PREP: variants seen among roughly 807,000 people sequenced by gnomAD.
PREP encodes prolyl endopeptidase.
A neutral mutation model predicts 87.6 loss-of-function variants in PREP; 29 were observed. The observed-to-expected ratio is 0.33, with a 90% confidence interval of 0.25 to 0.45. PREP has a LOEUF of 0.45. Ranked by LOEUF, PREP falls within the 20% of genes least tolerant of loss-of-function variation. The pLI is 1.00. For synonymous variants in PREP, 337 were observed against 328.6 expected (o/e 1.03, Z -0.28); for missense variants, 695 against 886.5 (o/e 0.78, Z 2.74).
chr6:105,398,893 A>C (rs1299105458), intron 1 of PREP, among the ~76,000 whole-genome samples: 2 of 152,138 alleles, frequency 1.3e-5, no homozygotes, highest in Non-Finnish European at 2.9e-5. Context: ...GGATCACTTG[A>C]GGTCAGGAGT....
chr6:105,377,770 T>G (rs920232443), intron 2 of PREP, among the ~76,000 whole-genome samples: 4 of 152,222 alleles, frequency 2.6e-5, no homozygotes, highest in Admixed American at 2.6e-4. Context: ...GGGCAAGTAT[T>G]AACTTATTTA....
At chr6:105,391,586 G>C (rs1773148622) in intron 2 of PREP, among the ~76,000 whole-genome samples, 1 of 152,196 alleles carries the variant, frequency 6.6e-6, no homozygotes, top group Non-Finnish European at 1.5e-5. Flanking sequence ...AATAGTTTAT[G>C]CTAATGGGAG....
Position 105,281,896 on chromosome 6 carries a change from CA to C in PREP, c.1687del (p.Cys563ValfsTer18). 2 of 1,613,562 alleles carry C rather than the reference CA, an allele frequency of 1.2e-6. No individual in the cohort carries two copies. The highest frequency in any genetic ancestry group is 1.7e-6 in the Non-Finnish European group (2 of 1,179,854). ...GSNGGLLVAACANQRPDLFGC... is the reference protein window; with the variant it reads ...GSNGGLLVAAXANQRPDLFGC... ...AAAGAGGTCAGGTCTCTGATTTGCA[CA>C]AGCAGCTAAAAGCCCAACGTAGAAA... is the stretch of plus-strand genomic sequence containing the variant. On this transcript the variant is annotated frameshift_variant, in exon 14 of 15. Coordinates refer to ENST00000652536, the MANE Select transcript of PREP (RefSeq NM_002726.5). LOFTEE classifies it high-confidence loss of function.
At chr6:105,342,814 A>C (rs945946644) in intron 7 of PREP, among the ~76,000 whole-genome samples, 1 of 152,244 alleles carries the variant, frequency 6.6e-6, no homozygotes, top group African/African-American at 2.4e-5. Context: ...TAGGAATCCA[A>C]CTTACAAGGG....
At chr6:105,321,695 C>A (rs57163495) in intron 10 of PREP, among the ~76,000 whole-genome samples, 1 of 152,126 alleles carries the variant, frequency 6.6e-6, no homozygotes, top group Non-Finnish European at 1.5e-5. Flanking sequence ...CTGGAAGAAG[C>A]GGCCTCCCTG....
chr6:105,373,010 G>A (rs1394964249), intron 5 of PREP, among the ~76,000 whole-genome samples: 1 of 152,146 alleles, frequency 6.6e-6, no homozygotes, highest in East Asian at 1.9e-4. Context: ...GTTGCCATGT[G>A]AGCAAGCCCA....
chr6:105,308,453 T>C (rs918900287), intron 10 of PREP, among the ~76,000 whole-genome samples: 3 of 152,324 alleles, frequency 2.0e-5, no homozygotes, highest in Admixed American at 2.0e-4. Flanking sequence ...AAATTTACTT[T>C]GATGCTCTAT....
At chr6:105,312,037 T>C (rs1026688017) in intron 10 of PREP, among the ~76,000 whole-genome samples, 1 of 152,246 alleles carries the variant, frequency 6.6e-6, no homozygotes, top group Non-Finnish European at 1.5e-5. Flanking sequence ...ATTAGCTATA[T>C]ACATATTAAA....
intron 10 of PREP, among the ~76,000 whole-genome samples, chr6:105,310,286 G>A (rs1329154802): frequency 6.6e-6 from 1 of 152,076 alleles, no homozygotes; most frequent in Non-Finnish European, 1.5e-5. Flanking sequence ...TAGCAAAAAT[G>A]CAATACAAAA....
Position 105,278,382 on chromosome 6 carries a change from G to A in PREP, c.1895C>T (p.Ser632Phe). The change falls in exon 15 of 15, where the codon TCC becomes TTC. Residue 632 changes from serine (S) to phenylalanine (F), a missense_variant. Physicochemically the swap from Ser to Phe is radical, Grantham distance 155. Transcript: ENST00000652536. This position sits in a 1 kb window ranked among gnomAD's most constrained non-coding sequence, Gnocchi z 4.2. Reference protein sequence around the residue: ...LPEADDIQYPSMLLLTADHDD... With the variant: ...LPEADDIQYPFMLLLTADHDD... ...ATGGTCAGCAGTGAGGAGCAGCATGGACGGGTACTGGATGTCATCTGCTTC... is the reference window on the plus strand; with the variant it reads ...ATGGTCAGCAGTGAGGAGCAGCATGAACGGGTACTGGATGTCATCTGCTTC... 6.2e-7 allele frequency: 1 copy of A among 1,614,208 alleles called. No individual in the cohort carries two copies. Among genetic ancestry groups the A allele is most frequent in the Non-Finnish European group, 8.5e-7 (1 of 1,180,004 alleles).
intron 2 of PREP, among the ~76,000 whole-genome samples, chr6:105,389,275 T>C (rs188298576): frequency 6.6e-6 from 1 of 152,272 alleles, no homozygotes; most frequent in Non-Finnish European, 1.5e-5. Flanking sequence ...TGAATATTAC[T>C]TTAACTCTTT....
intron 9 of PREP, among the ~76,000 whole-genome samples, chr6:105,327,075 G>C (rs1174864806): frequency 6.6e-6 from 1 of 152,142 alleles, no homozygotes; most frequent in Non-Finnish European, 1.5e-5. Flanking sequence ...GGGGACTCCA[G>C]CTTTTTTTAA....
At position 105,306,126 on chromosome 6, in the gene PREP, A is replaced by C. The variant is rs562945011; in HGVS notation, c.1318-17232T>G. Among the ~76,000 whole-genome samples the C allele has an allele frequency of 2.6e-5, 4 of 152,274 alleles. No homozygotes were observed. In the East Asian group the frequency reaches 7.7e-4, roughly 29 times the overall value. On this transcript the variant is annotated intron_variant, in intron 10 of 14. Transcript: ENST00000652536. ...CCAATGTGCTGGGATTACAAGCGTG[A>C]GCCACCTTGCCCAGCCCTATATATA...
At chr6:105,325,420 A>G (rs1184532888) in intron 9 of PREP, among the ~76,000 whole-genome samples, 1 of 152,232 alleles carries the variant, frequency 6.6e-6, no homozygotes, top group Non-Finnish European at 1.5e-5. Flanking sequence ...GTGAAAGACA[A>G]TGAGTAGGAA....
At chr6:105,319,456 G>C (rs1199361032) in intron 10 of PREP, among the ~76,000 whole-genome samples, 2 of 152,134 alleles carry the variant, frequency 1.3e-5, no homozygotes, top group African/African-American at 4.8e-5. Flanking sequence ...CCAATCTCTA[G>C]CTGGCTGAAC....
rs1769896256 is a variant in PREP at position 105,274,496 on chromosome 6, T to TTC, written c.*3647_*3648insGA. Among the ~76,000 whole-genome samples the TTC allele has an allele frequency of 2.0e-5, 3 of 152,318 alleles. No individual in the cohort carries two copies. The highest frequency in any genetic ancestry group is 2.9e-5 in the Non-Finnish European group (2 of 68,024). ...AGAGAGCTGTTTCGGCTGGGCATGG[T>TTC]GGCTCATGCCTGTAATCCCAGCATT... is the stretch of plus-strand genomic sequence containing the variant. On this transcript the variant is annotated 3_prime_UTR_variant, in exon 15 of 15. Coordinates refer to ENST00000652536, the MANE Select transcript of PREP (RefSeq NM_002726.5).
chr6:105,360,850 A>C (rs1431586832), intron 6 of PREP, among the ~76,000 whole-genome samples: 1 of 152,170 alleles, frequency 6.6e-6, no homozygotes, highest in Non-Finnish European at 1.5e-5. Flanking sequence ...GATGTGATTC[A>C]CTCAGACCAG....
rs565988072 is a variant in PREP, at chr6:105,386,344, G to A, written c.121-8825C>T. ...AAAAGAGACAAGTTAGGAAGTTACT[G>A]AACATCTAGCTCAGTGGCAATGTAT... is the stretch of plus-strand genomic sequence containing the variant. On this transcript the variant is annotated intron_variant, in intron 2 of 14. Coordinates refer to ENST00000652536, the MANE Select transcript of PREP (RefSeq NM_002726.5). Among the ~76,000 whole-genome samples the A allele has an allele frequency of 3.1e-4, 47 of 152,280 alleles. 1 individual carries two copies. The highest frequency in any genetic ancestry group is 3.4e-3 in the Middle Eastern group (1 of 294).
At chr6:105,284,281 G>A (rs916443736) in intron 12 of PREP, among the ~76,000 whole-genome samples, 6 of 152,122 alleles carry the variant, frequency 3.9e-5, no homozygotes, top group Admixed American at 1.3e-4. Context: ...CTTTCACTAA[G>A]GTGCACTTGA....
Sources: allele counts gnomAD v4.1 joint callset (sites outside exome capture counted in the v4.1 genomes callset), GRCh38; gene constraint gnomAD v4.1.1; non-coding constraint Gnocchi (gnomAD v3.1); transcripts MANE v1.5; gene names NCBI Gene and HGNC (gene_info 2026-07-23, HGNC 2026-07-21).